Variants in CENPE observed in about 807,000 individuals in gnomAD.
The protein encoded by CENPE is centromere protein E, also known as centromere-associated protein E.
In CENPE, 145 loss-of-function variants were observed where a neutral mutation model predicts 336.1. The observed-to-expected ratio is 0.43, with a 90% CI of 0.38 to 0.50. The LOEUF is 0.50. Among genes scored for constraint, CENPE ranks in the 20% least tolerant of loss-of-function variants. CENPE has a pLI of 0.00. For missense variants in CENPE, 2,719 were observed against 3,023.3 expected, an observed-to-expected ratio of 0.90 and a Z score of 2.36; for synonymous variants, 1,013 against 984.8, an observed-to-expected ratio of 1.03 and a Z score of -0.54.
At chr4:103,112,488 G>A (rs1345984501) in intron 46 of CENPE, among the ~76,000 whole-genome samples, 2 of 142,022 alleles carry the variant, frequency 1.4e-5, no homozygotes, top group Admixed American at 7.2e-5. Context: ...TATATACTAA[G>A]TATACTTATG....
At chr4:103,147,773 A>C in intron 28 of CENPE, 127 bp from the exon 29 acceptor site, 1 of 722,496 alleles carries the variant, frequency 1.4e-6, no homozygotes, top group South Asian at 1.9e-5. Context: ...AGTTCACTGC[A>C]ACTTCTGCCT....
chr4:103,145,214 G>C lies in CENPE; in HGVS notation c.4693C>G (p.Gln1565Glu). The C allele has an allele frequency of 6.2e-7, 1 of 1,613,582 alleles. No individual in the cohort carries two copies. Among genetic ancestry groups the C allele is most frequent in the Non-Finnish European group, 8.5e-7 (1 of 1,179,776 alleles). Residue 1565 changes from glutamine (Q) to glutamate (E), a missense_variant, in exon 32 of 49, where the codon CAA (glutamine) becomes GAA (glutamate). Gln to Glu is a conservative substitution (Grantham distance 29, BLOSUM62 2). Coordinates refer to ENST00000265148, the MANE Select transcript of CENPE (RefSeq NM_001813.3). Reference sequence around the variant, plus strand: ...TCGAGCATCTTACTTTCTATACTTTGTAGTGCTGAATCCTTGGCTTTGCGA... The same window carrying C: ...TCGAGCATCTTACTTTCTATACTTTCTAGTGCTGAATCCTTGGCTTTGCGA... ...EHRKAKDSAL[Q>E]SIESKMLELT...
chr4:103,108,841 A>G lies in CENPE; in HGVS notation c.7973T>C (p.Val2658Ala), dbSNP rs762171103. The G allele has an allele frequency of 2.5e-6, 4 of 1,613,784 alleles. No individual in the cohort carries two copies. The highest frequency in any genetic ancestry group is 2.5e-6 in the Non-Finnish European group (3 of 1,179,818). Residue 2658 changes from valine to alanine, a missense_variant, in exon 48 of 49, where the codon GTT becomes GCT. By Grantham distance (64) the Val-to-Ala change is moderately conservative. Around this residue, in one of 5 missense-constraint regions of CENPE, gnomAD observed 2,437 missense variants for 2,513.3 expected, o/e 0.97. Coordinates refer to ENST00000265148, the MANE Select transcript of CENPE (RefSeq NM_001813.3). ...TAAACTTGAGTTATCAAAATAGCGA[A>G]CTGGATGAGGTGATGGTAAAGACTT... is the stretch of plus-strand genomic sequence containing the variant. ...RSKSLPSPHP[V>A]RYFDNSSLGL...
intron 15 of CENPE, among the ~76,000 whole-genome samples, chr4:103,175,488 A>G (rs1420409355): frequency 6.6e-6 from 1 of 152,094 alleles, no homozygotes; most frequent in Non-Finnish European, 1.5e-5. Context: ...TTATATTCTA[A>G]AATTCAAATG....
intron 42 of CENPE, 117 bp downstream of exon 42, chr4:103,132,575 AT>A (rs1397961768): frequency 8.4e-6 from 4 of 475,320 alleles, no homozygotes; most frequent in East Asian, 3.5e-5. Flanking sequence ...TATCAAATCA[AT>A]TTTTTTAAAG....
At chr4:103,128,043 T>C (rs1208119070) in intron 42 of CENPE, among the ~76,000 whole-genome samples, 2 of 151,944 alleles carry the variant, frequency 1.3e-5, no homozygotes, top group Non-Finnish European at 2.9e-5. Context: ...ATCTTCAATA[T>C]AAGGACACAT....
intron 45 of CENPE, among the ~76,000 whole-genome samples, chr4:103,115,210 T>G (rs1207069773): frequency 6.6e-6 from 1 of 152,088 alleles, no homozygotes; most frequent in Admixed American, 6.5e-5. Context: ...CTCAGCTCAC[T>G]GCAACCTCTG....
In CENPE at chr4:103,122,955, C is replaced by T. The variant is rs1750768206; in HGVS notation, c.7059G>A (p.Leu2353=). The T allele has an allele frequency of 7.4e-6, 12 of 1,613,844 alleles. No homozygotes were observed. The highest frequency in any genetic ancestry group is 2.2e-5 in the East Asian group (1 of 44,866). ...FKNYQTLKTS[L]ASGAQVNPTT... ...TAGGATTAACCTGGGCACCAGATGC[C>T]AAGGAAGTCTTCAATGTTTGGTAGT... The change falls in exon 43 of 49, where the codon TTG becomes TTA. Residue 2353 remains leucine, a synonymous_variant. Coordinates refer to ENST00000265148, the MANE Select transcript of CENPE (RefSeq NM_001813.3).
At chr4:103,150,930 C>T (rs764538878) in intron 26 of CENPE, among the ~76,000 whole-genome samples, 1 of 152,130 alleles carries the variant, frequency 6.6e-6, no homozygotes, top group Non-Finnish European at 1.5e-5. Context: ...CAAAACAGTG[C>T]GTGGCCCATG....
chr4:103,122,405 G>C (rs1031912861), intron 43 of CENPE, among the ~76,000 whole-genome samples: 3 of 152,084 alleles, frequency 2.0e-5, no homozygotes, highest in African/African-American at 7.2e-5. Context: ...GTTAACCTGC[G>C]TAACAATCTT....
At chr4:103,120,786 A>G (rs1750557442) in intron 43 of CENPE, among the ~76,000 whole-genome samples, 1 of 151,610 alleles carries the variant, frequency 6.6e-6, no homozygotes, top group African/African-American at 2.4e-5. Flanking sequence ...CCCAGGCTGG[A>G]ATGCAGTGGC....
At position 103,110,842 on chromosome 4, in the gene CENPE, CTTT is replaced by C; in HGVS notation, c.7707_7709del (p.Lys2570del). ...GCAGATCTTACCTTAACAATTCATT[CTTT>C]TGTTTTATTAGCTGTTCATTTTGCT... On this transcript the variant is annotated inframe_deletion, in exon 47 of 49. Transcript: ENST00000265148. The C allele has an allele frequency of 6.3e-7, 1 of 1,597,264 alleles. No individual in the cohort carries two copies. Among genetic ancestry groups the C allele is most frequent in the Non-Finnish European group, 8.5e-7 (1 of 1,173,116 alleles).
intron 8 of CENPE, among the ~76,000 whole-genome samples, chr4:103,190,009 G>C (rs1331097827): frequency 8.5e-5 from 13 of 152,152 alleles, no homozygotes; most frequent in Admixed American, 2.0e-4. Flanking sequence ...CAGACAAACA[G>C]AGAGACAAAT....
At position 103,120,610 on chromosome 4, in the gene CENPE, T is replaced by G. The variant is rs2623067; in HGVS notation, c.7144-277A>C. On this transcript the variant is annotated intron_variant, in intron 43 of 48. Coordinates refer to ENST00000265148, the MANE Select transcript of CENPE (RefSeq NM_001813.3). ...AAAAACAGCACAGTGGTTATGCGAT[T>G]TATTAGTTAGCATAGTGCTAAGCAT... 6.1e-3 allele frequency among the ~76,000 whole-genome samples: 934 copies of G among 152,338 alleles called. 3 individuals carry two copies. The highest frequency in any genetic ancestry group is 9.6e-3 in the Non-Finnish European group (654 of 68,028).
At chr4:103,198,152 G>C in intron 1 of CENPE, 112 bp downstream of exon 1, 2 of 1,024,252 alleles carry the variant, frequency 2.0e-6, no homozygotes, top group Non-Finnish European at 2.9e-6. Flanking sequence ...CGAGTCACTA[G>C]ACAGCAGAGC....
At chr4:103,111,462 T>C (rs949634547) in intron 46 of CENPE, among the ~76,000 whole-genome samples, 1 of 152,222 alleles carries the variant, frequency 6.6e-6, no homozygotes, top group African/African-American at 2.4e-5. Flanking sequence ...ACTAAATATA[T>C]GTTACAATAA....
At chr4:103,132,087 T>C (rs774033984) in intron 42 of CENPE, among the ~76,000 whole-genome samples, 3 of 152,160 alleles carry the variant, frequency 2.0e-5, no homozygotes, top group Non-Finnish European at 2.9e-5. Flanking sequence ...TGAACCCTAA[T>C]GTAAGCTACG....
chr4:103,112,707 T>C (rs1293437296), intron 46 of CENPE, among the ~76,000 whole-genome samples: 65 of 130,308 alleles, frequency 5.0e-4, no homozygotes, highest in Admixed American at 1.7e-4. Flanking sequence ...TGTATATATA[T>C]ACTTATAAGT....
In CENPE at chr4:103,163,264, A is replaced by C; in HGVS notation, c.1723-8T>G. On this transcript the variant is annotated splice_polypyrimidine_tract_variant and splice_region_variant and intron_variant, in intron 17 of 48. Coordinates refer to ENST00000265148, the MANE Select transcript of CENPE (RefSeq NM_001813.3). ...TTTTGAACTGAGTTCATTCTAAAAG[A>C]ATCAAAGGAGAGAGTAACAATTTAG... 6.2e-7 allele frequency: 1 copy of C among 1,601,498 alleles called. No individual in the cohort carries two copies. Among genetic ancestry groups the C allele is most frequent in the East Asian group, 2.2e-5 (1 of 44,634 alleles).
Sources: allele counts gnomAD v4.1 joint callset (sites outside exome capture counted in the v4.1 genomes callset), GRCh38; gene constraint gnomAD v4.1.1; regional missense constraint gnomAD v4.1.1; transcripts MANE v1.5; gene names NCBI Gene and HGNC (gene_info 2026-07-23, HGNC 2026-07-21).